The following CDKAL1 variants were observed in gnomAD, a reference collection of about 807,000 sequenced individuals.
The protein encoded by CDKAL1 is threonylcarbamoyladenosine tRNA methylthiotransferase.
CDKAL1 carries 32 observed loss-of-function variants against 68.2 expected under a neutral mutation model. The ratio of observed to expected loss-of-function variants is 0.47; its 90% CI spans 0.35 to 0.63. The LOEUF is 0.63. Among genes scored for constraint, CDKAL1 ranks in the 30% least tolerant of loss-of-function variants. The probability of loss-of-function intolerance (pLI) is 0.00; values close to 1 mark genes in which losing one functional copy is unlikely to be tolerated. For synonymous variants in CDKAL1, 234 were observed against 244.3 expected (o/e 0.96, Z 0.39); for missense variants, 606 against 696.7 (o/e 0.87, Z 1.47).
chr6:20,944,366 TGAGACG>T (rs11279071), intron 9 of CDKAL1, among the ~76,000 whole-genome samples: 70,806 of 151,528 alleles, frequency 0.47, 18,003 homozygotes, highest in East Asian at 0.63. Context: ...ATGTCCTTTT[TGAGACG>T]GAGTCTCACT....
At chr6:21,089,681 G>A (rs990006376) in intron 12 of CDKAL1, among the ~76,000 whole-genome samples, 2 of 152,108 alleles carry the variant, frequency 1.3e-5, no homozygotes, top group African/African-American at 4.8e-5. Context: ...ACCTTCAAAA[G>A]GAAATAAGCG....
At chr6:20,535,728 C>A (rs999932225) in intron 2 of CDKAL1, among the ~76,000 whole-genome samples, 1 of 152,126 alleles carries the variant, frequency 6.6e-6, no homozygotes, top group Non-Finnish European at 1.5e-5. Context: ...TGGAGTCTCT[C>A]AAGTCGTGGT....
intron 5 of CDKAL1, among the ~76,000 whole-genome samples, chr6:20,707,419 T>C (rs563574276): frequency 4.3e-4 from 66 of 152,378 alleles, no homozygotes; most frequent in Admixed American, 2.7e-3. Flanking sequence ...CATGTTGATA[T>C]AACATCTGAG....
intron 12 of CDKAL1, among the ~76,000 whole-genome samples, chr6:21,082,600 G>C (rs912557040): frequency 6.6e-6 from 1 of 152,122 alleles, no homozygotes; most frequent in Non-Finnish European, 1.5e-5. Context: ...ACAAGTGTCA[G>C]TTTTTAAAGT....
chr6:20,988,942 G>A (rs1201224584), intron 10 of CDKAL1, among the ~76,000 whole-genome samples: 2 of 151,558 alleles, frequency 1.3e-5, no homozygotes, highest in African/African-American at 4.9e-5. Context: ...ACAGGTACGA[G>A]CCACCGTGCC....
chr6:21,072,348 T>A (rs1411038224), intron 12 of CDKAL1, among the ~76,000 whole-genome samples: 1 of 152,138 alleles, frequency 6.6e-6, no homozygotes, highest in Non-Finnish European at 1.5e-5. Context: ...CTTGGTAGCT[T>A]TTTCATGTTT....
chr6:20,729,527 C>T (rs1460471327), intron 5 of CDKAL1, among the ~76,000 whole-genome samples: 1 of 152,166 alleles, frequency 6.6e-6, no homozygotes, highest in East Asian at 1.9e-4. Context: ...GACACATTTC[C>T]TTGTCAGCAC....
At chr6:20,799,069 T>TTTTTTTTA (rs70990069) in intron 8 of CDKAL1, among the ~76,000 whole-genome samples, 4 of 140,310 alleles carry the variant, frequency 2.9e-5, no homozygotes, top group African/African-American at 8.1e-5. Context: ...TTTTTTTTTT[T>TTTTTTTTA]GAGACGGAGT....
intron 11 of CDKAL1, among the ~76,000 whole-genome samples, chr6:21,008,135 A>G (rs540283089): frequency 1.3e-5 from 2 of 152,324 alleles, no homozygotes; most frequent in Middle Eastern, 6.8e-3. Flanking sequence ...GATGTTAGAC[A>G]TGCTGAATTT....
chr6:20,601,232 G>A (rs1216616057), intron 4 of CDKAL1, among the ~76,000 whole-genome samples: 1 of 152,006 alleles, frequency 6.6e-6, no homozygotes, highest in Non-Finnish European at 1.5e-5. Context: ...TGCAAATAGG[G>A]TAACTTATTT....
At position 21,232,015 on chromosome 6, in the gene CDKAL1, T is replaced by TTTG. The variant is rs1562137025; in HGVS notation, c.*978_*979insGTT. On this transcript the variant is annotated 3_prime_UTR_variant, in exon 16 of 16. Transcript: ENST00000274695. ...GGGTTTTTTTTTTGTTTTTGTTTTT[T>TTTG]TTTTTTTTTGAGTCAAGGTCTCACT... 2 of 146,708 alleles carry TTTG rather than the reference T, an allele frequency of 1.4e-5. No homozygotes were observed. Among genetic ancestry groups the TTTG allele is most frequent in the Non-Finnish European group, 3.0e-5 (2 of 66,772 alleles). The allele number at this position is 146,708 out of a possible 1,614,324, so 9.1% of individuals were successfully genotyped here.
intron 11 of CDKAL1, among the ~76,000 whole-genome samples, chr6:21,044,691 G>A (rs996893152): frequency 4.6e-5 from 7 of 152,166 alleles, no homozygotes; most frequent in African/African-American, 1.7e-4. Context: ...AAAGGCAGTA[G>A]TTTTCAAGTC....
At chr6:20,806,567 G>C (rs1776582224) in intron 8 of CDKAL1, among the ~76,000 whole-genome samples, 1 of 152,132 alleles carries the variant, frequency 6.6e-6, no homozygotes, top group Non-Finnish European at 1.5e-5. Context: ...TCCACAATGA[G>C]TGAGCTGATT....
At chr6:20,642,270 A>G (rs952400420) in intron 4 of CDKAL1, among the ~76,000 whole-genome samples, 8 of 152,268 alleles carry the variant, frequency 5.3e-5, no homozygotes, top group South Asian at 2.1e-4. Context: ...CACATTTGCT[A>G]TTTTAGAAAT....
intron 8 of CDKAL1, among the ~76,000 whole-genome samples, chr6:20,823,275 A>G (rs6938757): frequency 0.31 from 47,830 of 152,002 alleles, 7,856 homozygotes; most frequent in East Asian, 0.53. Context: ...TTGGCCATTC[A>G]TATGGTCCTT....
intron 15 of CDKAL1, among the ~76,000 whole-genome samples, chr6:21,223,007 G>A (rs556262941): frequency 1.3e-4 from 20 of 152,238 alleles, no homozygotes; most frequent in South Asian, 4.2e-4. Context: ...AATTCGCAAC[G>A]TGGCTCAGAA....
intron 9 of CDKAL1, among the ~76,000 whole-genome samples, chr6:20,909,004 C>T (rs1036021945): frequency 2.0e-5 from 3 of 152,104 alleles, no homozygotes; most frequent in South Asian, 2.1e-4. Flanking sequence ...CATTTTTGAA[C>T]GTTCTGGCTG....
chr6:20,641,509 C>A, intron 4 of CDKAL1, among the ~76,000 whole-genome samples: 1 of 152,174 alleles, frequency 6.6e-6, no homozygotes, highest in South Asian at 2.1e-4. Context: ...CAAGGGCAAA[C>A]CAGTTTTTCA....
chr6:21,170,318 A>AGGTT (rs981191505), intron 13 of CDKAL1, among the ~76,000 whole-genome samples: 4 of 151,870 alleles, frequency 2.6e-5, no homozygotes, highest in East Asian at 1.9e-4. Context: ...TCTACTTATG[A>AGGTT]GGTTGGTTGG....
Sources: gnomAD v4.1 joint callset for allele counts (sites outside exome capture counted in the v4.1 genomes callset) on GRCh38, gnomAD v4.1.1 for gene constraint, MANE v1.5 for transcripts, NCBI Gene and HGNC (gene_info 2026-07-23, HGNC 2026-07-21) for gene names.